Variants in TNKS observed in about 807,000 individuals in gnomAD.
TNKS encodes poly [ADP-ribose] polymerase tankyrase-1.
Under a neutral mutation model 135.8 loss-of-function variants are expected in TNKS, and 72 were observed. That is an observed-to-expected ratio of 0.53 (90% CI 0.44 to 0.64). The LOEUF (loss-of-function observed/expected upper bound fraction) is 0.64. Among genes scored for constraint, TNKS ranks in the 30% least tolerant of loss-of-function variants. The probability of loss-of-function intolerance (pLI) is 0.00; values close to 1 mark genes in which losing one functional copy is unlikely to be tolerated. For synonymous variants in TNKS, 849 were observed against 649.3 expected, an observed-to-expected ratio of 1.31 and a Z score of -4.68; for missense variants, 1,769 against 1,674.0, an observed-to-expected ratio of 1.06 and a Z score of -0.99.
intron 1 of TNKS, 58 bp from the exon 2 acceptor site, chr8:9,580,101 A>C: frequency 7.0e-7 from 1 of 1,425,256 alleles, no homozygotes; most frequent in South Asian, 1.2e-5. Flanking sequence ...CAGATATTCT[A>C]ATGGTTCTTT....
chr8:9,580,632 T>C (rs1338728252), intron 2 of TNKS, among the ~76,000 whole-genome samples: 2 of 152,212 alleles, frequency 1.3e-5, no homozygotes, highest in Non-Finnish European at 2.9e-5. Flanking sequence ...TGGATTACTA[T>C]TGTCAAATTT....
Position 9,735,409 on chromosome 8 carries a change from C to A in TNKS, c.2566C>A (p.Leu856Ile). 1 of 1,613,890 alleles carries A rather than the reference C, an allele frequency of 6.2e-7. No homozygotes were observed. The highest frequency in any genetic ancestry group is 8.5e-7 in the Non-Finnish European group (1 of 1,179,970). Residue 856 changes from leucine (L) to isoleucine (I), a missense_variant, in exon 17 of 27, where the codon CTT becomes ATT. This residue lies in a region of TNKS where 722 missense variants were observed against 688.9 expected (regional missense o/e 1.05). Transcript: ENST00000310430. ...TAATAACCTGGAAGTAGCTGAATAT[C>A]TTCTAGAGCATGGAGCTGATGTTAA... ...GYNNLEVAEY[L>I]LEHGADVNAQ...
At chr8:9,610,602 C>T (rs558989824) in intron 2 of TNKS, among the ~76,000 whole-genome samples, 2 of 152,030 alleles carry the variant, frequency 1.3e-5, no homozygotes, top group African/African-American at 4.8e-5. Context: ...ATTTTCTTTG[C>T]TTAAAAAATT....
chr8:9,729,403 C>T (rs1053789594), intron 13 of TNKS, among the ~76,000 whole-genome samples: 2 of 152,142 alleles, frequency 1.3e-5, no homozygotes, highest in African/African-American at 2.4e-5. Flanking sequence ...TTAGTGAATA[C>T]CTGAAAATCC....
intron 3 of TNKS, among the ~76,000 whole-genome samples, chr8:9,622,934 T>C (rs570446492): frequency 6.6e-6 from 1 of 152,210 alleles, no homozygotes; most frequent in African/African-American, 2.4e-5. Context: ...TTTTCCTATA[T>C]GTACATACCT....
intron 5 of TNKS, among the ~76,000 whole-genome samples, chr8:9,681,475 T>G (rs1044228987): frequency 6.6e-6 from 1 of 152,140 alleles, no homozygotes; most frequent in Non-Finnish European, 1.5e-5. Flanking sequence ...GCTTTGGTAA[T>G]TGCAGAGTTT....
Position 9,751,720 on chromosome 8 carries a change from A to T in TNKS, c.2944A>T (p.Thr982Ser), listed in dbSNP as rs745475318. The change falls in exon 19 of 27, where the codon ACC (threonine) becomes TCC (serine). Residue 982 changes from threonine to serine, a missense_variant. Thr to Ser is a moderately conservative substitution (Grantham distance 58). Coordinates refer to ENST00000310430, the MANE Select transcript of TNKS (RefSeq NM_003747.3). The part of the protein sequence containing the change: ...VSASLISPAS[T>S]PSCLSAASSI... ...TGCCTCTCTGATCTCACCAGCATCC[A>T]CCCCCTCCTGCCTCTCGGCTGCCAG... 5 of 1,613,836 alleles carry T rather than the reference A, an allele frequency of 3.1e-6. No homozygotes were observed. The highest frequency in any genetic ancestry group is 4.2e-6 in the Non-Finnish European group (5 of 1,179,982).
Position 9,556,336 on chromosome 8 carries a change from T to A in TNKS, c.397T>A (p.Ser133Thr), listed in dbSNP as rs761793842. 1.2e-6 allele frequency: 2 copies of A among 1,614,098 alleles called. No individual in the cohort carries two copies. The highest frequency in any genetic ancestry group is 1.7e-5 in the Admixed American group (1 of 60,000). ...SGSNNSPSSS[S>T]SPTSSSSSSP... is the part of the protein sequence containing the mutation. ...CAGTAACAATTCACCGTCGTCCTCT[T>A]CTTCCCCGACTTCTTCCTCATCTTC... is the stretch of plus-strand genomic sequence containing the variant. Residue 133 changes from serine to threonine, a missense_variant, in exon 1 of 27, where the codon TCT becomes ACT. Ser to Thr is a moderately conservative substitution (Grantham distance 58, BLOSUM62 1). This residue lies in a region of TNKS where 450 missense variants were observed against 304.9 expected (regional missense o/e 1.48). Transcript: ENST00000310430.
intron 12 of TNKS, among the ~76,000 whole-genome samples, chr8:9,726,320 G>A (rs1014243576): frequency 6.6e-6 from 1 of 152,150 alleles, no homozygotes; most frequent in African/African-American, 2.4e-5. Context: ...ATCCTGGAAG[G>A]TTGAGGCTAC....
At chr8:9,654,929 G>C (rs1202777635) in intron 3 of TNKS, among the ~76,000 whole-genome samples, 2 of 152,222 alleles carry the variant, frequency 1.3e-5, no homozygotes, top group African/African-American at 4.8e-5. Context: ...CACCATGCGT[G>C]AGCCGAAGCA....
At chr8:9,725,523 C>G (rs1273386740) in intron 12 of TNKS, among the ~76,000 whole-genome samples, 1 of 152,164 alleles carries the variant, frequency 6.6e-6, no homozygotes, top group Non-Finnish European at 1.5e-5. Context: ...CTCTTCATAG[C>G]ATCACTTGAT....
At chr8:9,677,733 C>T (rs901192215) in intron 3 of TNKS, among the ~76,000 whole-genome samples, 1 of 152,114 alleles carries the variant, frequency 6.6e-6, no homozygotes, top group Non-Finnish European at 1.5e-5. Flanking sequence ...TCATTACTTT[C>T]AAAGTAAAGT....
chr8:9,707,534 G>A (rs1285937129), intron 8 of TNKS, among the ~76,000 whole-genome samples: 1 of 152,128 alleles, frequency 6.6e-6, no homozygotes, highest in Non-Finnish European at 1.5e-5. Context: ...TATGACCCAA[G>A]TATAATCACT....
At chr8:9,587,855 A>G (rs1798447792) in intron 2 of TNKS, among the ~76,000 whole-genome samples, 1 of 152,222 alleles carries the variant, frequency 6.6e-6, no homozygotes, top group Non-Finnish European at 1.5e-5. Flanking sequence ...AAAACATCTT[A>G]CAGCGGTTTT....
intron 12 of TNKS, 82 bp from the exon 13 acceptor site, chr8:9,726,559 A>G: frequency 2.0e-6 from 2 of 1,022,404 alleles, no homozygotes; most frequent in African/African-American, 1.6e-5. Context: ...TCCCTCAAGA[A>G]CCATTTTTGT....
chr8:9,719,583 T>A (rs1804767836), intron 11 of TNKS, among the ~76,000 whole-genome samples: 1 of 152,152 alleles, frequency 6.6e-6, no homozygotes, highest in African/African-American at 2.4e-5. Context: ...TGAGGAGACT[T>A]ATCTACACTG....
chr8:9,558,590 A>C (rs1563376288), intron 1 of TNKS: 1 of 152,210 alleles, frequency 6.6e-6, no homozygotes, highest in Non-Finnish European at 1.5e-5. Context: ...TAATGTATTT[A>C]GGATAAGTCA....
intron 3 of TNKS, among the ~76,000 whole-genome samples, chr8:9,660,732 G>A (rs1254942573): frequency 6.6e-6 from 1 of 152,110 alleles, no homozygotes; most frequent in South Asian, 2.1e-4. Flanking sequence ...GGAAGTCCTG[G>A]CCAGGGCAAT....
intron 5 of TNKS, among the ~76,000 whole-genome samples, chr8:9,691,569 G>T (rs1803272180): frequency 6.6e-6 from 1 of 152,172 alleles, no homozygotes; most frequent in South Asian, 2.1e-4. Context: ...AGACTGCCTG[G>T]ATTTGACTCC....
Sources: gnomAD v4.1 joint callset for allele counts (sites outside exome capture counted in the v4.1 genomes callset) on GRCh38, gnomAD v4.1.1 for gene constraint, gnomAD v4.1.1 regional missense constraint, MANE v1.5 for transcripts, NCBI Gene and HGNC (gene_info 2026-07-23, HGNC 2026-07-21) for gene names.